The following ATG10 variants were observed in gnomAD, a reference collection of about 807,000 sequenced individuals.
ATG10 encodes the protein autophagy related 10, also known as ubiquitin-like-conjugating enzyme ATG10.
A neutral mutation model predicts 32.1 loss-of-function variants in ATG10; 30 were observed. That is an observed-to-expected ratio of 0.94 (90% confidence interval 0.70 to 1.27). ATG10 has a LOEUF of 1.27. Among genes scored for constraint, ATG10 ranks in the 50% most tolerant of loss-of-function variants. The pLI is 0.00. For missense variants in ATG10, 233 were observed against 262.3 expected, an observed-to-expected ratio of 0.89 and a Z score of 0.77; for synonymous variants, 87 against 91.5, an observed-to-expected ratio of 0.95 and a Z score of 0.28.
chr5:82,233,441 T>C (rs1454017964), intron 5 of ATG10, among the ~76,000 whole-genome samples: 4 of 152,224 alleles, frequency 2.6e-5, no homozygotes, highest in African/African-American at 9.6e-5. Context: ...TATTGTTCCT[T>C]CGTTTATATT....
intron 3 of ATG10, among the ~76,000 whole-genome samples, chr5:82,150,151 CT>C (rs35965927): frequency 0.17 from 25,754 of 151,964 alleles, 2,763 homozygotes; most frequent in East Asian, 0.34. Flanking sequence ...CACAAGAATG[CT>C]TTTACATGAA....
In ATG10 at chr5:82,225,604, G is replaced by A. The variant is rs181987133; in HGVS notation, c.454-26958G>A. Among the ~76,000 whole-genome samples the A allele has an allele frequency of 2.0e-5, 3 of 152,332 alleles. No homozygotes were observed. The East Asian group carries it at 5.8e-4, about 29-fold the overall frequency. ...GACCTCATTATGTGACAGAGAATGTGGTTGTAACAGGGCTACTGGCTATGG... is the reference window on the plus strand; with the variant it reads ...GACCTCATTATGTGACAGAGAATGTAGTTGTAACAGGGCTACTGGCTATGG... On this transcript the variant is annotated intron_variant, in intron 5 of 7. Transcript: ENST00000282185.
At chr5:82,062,499 G>A (rs1376867643) in intron 3 of ATG10, among the ~76,000 whole-genome samples, 2 of 152,042 alleles carry the variant, frequency 1.3e-5, no homozygotes, top group Non-Finnish European at 2.9e-5. Flanking sequence ...CAAACTGTGG[G>A]CCCTTCTTAC....
intron 3 of ATG10, among the ~76,000 whole-genome samples, chr5:82,075,283 G>A (rs1277171266): frequency 6.6e-6 from 1 of 152,184 alleles, no homozygotes; most frequent in African/African-American, 2.4e-5. Flanking sequence ...TAAAGAGCTT[G>A]CTGGGAGGAC....
At chr5:81,989,831 C>T (rs1176991064) in intron 2 of ATG10, among the ~76,000 whole-genome samples, 4 of 152,120 alleles carry the variant, frequency 2.6e-5, no homozygotes, top group African/African-American at 9.7e-5. Context: ...ACCTTGTGAT[C>T]TGCCTGCCTC....
At chr5:82,211,284 C>G (rs149023047) in intron 5 of ATG10, among the ~76,000 whole-genome samples, 1 of 152,286 alleles carries the variant, frequency 6.6e-6, no homozygotes, top group Non-Finnish European at 1.5e-5. Context: ...AAAACTGCCT[C>G]ATTTCTTCCT....
intron 3 of ATG10, among the ~76,000 whole-genome samples, chr5:82,085,153 G>C (rs898370612): frequency 1.3e-5 from 2 of 151,150 alleles, no homozygotes; most frequent in African/African-American, 4.9e-5. Flanking sequence ...CAAGCAAATG[G>C]AAAACAAAAA....
At chr5:82,111,921 T>TG (rs1270379641) in intron 3 of ATG10, among the ~76,000 whole-genome samples, 1 of 151,988 alleles carries the variant, frequency 6.6e-6, no homozygotes, top group Non-Finnish European at 1.5e-5. Context: ...TTGTTCATGG[T>TG]GAAACTAACA....
chr5:82,224,610 G>T (rs1746047264), intron 5 of ATG10, among the ~76,000 whole-genome samples: 1 of 152,174 alleles, frequency 6.6e-6, no homozygotes, highest in Non-Finnish European at 1.5e-5. Flanking sequence ...TGGCAGGCTG[G>T]AGGGAAAGAG....
intron 5 of ATG10, among the ~76,000 whole-genome samples, chr5:82,230,350 A>G (rs1257063422): frequency 6.6e-6 from 1 of 152,226 alleles, no homozygotes; most frequent in Non-Finnish European, 1.5e-5. Flanking sequence ...CGAAATACAA[A>G]TATTCCCACT....
chr5:82,098,722 C>T (rs1389952947), intron 3 of ATG10, among the ~76,000 whole-genome samples: 1 of 152,172 alleles, frequency 6.6e-6, no homozygotes, highest in Non-Finnish European at 1.5e-5. Flanking sequence ...AAAGAATTTT[C>T]AGGTCATTCA....
rs115017748 is a variant in ATG10 at position 82,214,002 on chromosome 5, A to G, written c.453+35415A>G. ...AGCAAATGTGATCCTGACTACTTTG[A>G]GTTGATTTCACCAGTTTCATATGAG... On this transcript the variant is annotated intron_variant, in intron 5 of 7. Transcript: ENST00000282185. Among the ~76,000 whole-genome samples, 769 of 152,246 alleles carry G rather than the reference A, an allele frequency of 5.1e-3. 6 individuals are homozygous for G. The highest frequency in any genetic ancestry group is 0.015 in the African/African-American group (615 of 41,540).
At chr5:82,206,594 G>T (rs185069118) in intron 5 of ATG10, among the ~76,000 whole-genome samples, 220 of 151,098 alleles carry the variant, frequency 1.5e-3, no homozygotes, top group Non-Finnish European at 2.5e-3. Context: ...AGGTTGCAGT[G>T]AGCCGAGATC....
At chr5:82,023,228 A>G (rs1762498536) in intron 2 of ATG10, among the ~76,000 whole-genome samples, 1 of 152,018 alleles carries the variant, frequency 6.6e-6, no homozygotes, top group Admixed American at 6.6e-5. Flanking sequence ...GTATTATATT[A>G]GGCGCTTAGA....
At chr5:82,161,555 C>T (rs1479762877) in intron 3 of ATG10, among the ~76,000 whole-genome samples, 1 of 152,088 alleles carries the variant, frequency 6.6e-6, no homozygotes, top group Non-Finnish European at 1.5e-5. Flanking sequence ...TCTTAACTAG[C>T]AGCACTGGGT....
At chr5:81,984,674 TC>T (rs2149663095) in intron 1 of ATG10, among the ~76,000 whole-genome samples, 2 of 152,342 alleles carry the variant, frequency 1.3e-5, no homozygotes, top group South Asian at 4.1e-4. Flanking sequence ...AGCCATATTT[TC>T]ATCCATCTCA....
At chr5:82,136,770 TG>T (rs1042481649) in intron 3 of ATG10, among the ~76,000 whole-genome samples, 1 of 152,220 alleles carries the variant, frequency 6.6e-6, no homozygotes, top group African/African-American at 2.4e-5. Context: ...TTTGCTAGGT[TG>T]GGGACGTTCT....
intron 1 of ATG10, among the ~76,000 whole-genome samples, chr5:81,974,592 T>C (rs951127856): frequency 3.9e-5 from 6 of 152,188 alleles, no homozygotes; most frequent in African/African-American, 1.4e-4. Context: ...GAATCTCCTT[T>C]GGGTTTTTTG....
chr5:82,200,278 G>A (rs1395744322), intron 5 of ATG10, among the ~76,000 whole-genome samples: 2 of 151,646 alleles, frequency 1.3e-5, no homozygotes, highest in African/African-American at 4.9e-5. Context: ...TGTCTTTACC[G>A]GCACCTGGTA....
Sources: allele counts gnomAD v4.1 joint callset (sites outside exome capture counted in the v4.1 genomes callset), GRCh38; gene constraint gnomAD v4.1.1; transcripts MANE v1.5; gene names NCBI Gene and HGNC (gene_info 2026-07-23, HGNC 2026-07-21).